Variants in OXSR1 observed in about 807,000 individuals in gnomAD.
OXSR1 encodes the protein oxidative stress responsive kinase 1, also known as serine/threonine-protein kinase OSR1.
In OXSR1, 24 loss-of-function variants were observed where a neutral mutation model predicts 79.8. That is an observed-to-expected ratio of 0.30 (90% CI 0.22 to 0.42). The LOEUF (loss-of-function observed/expected upper bound fraction) is 0.42. OXSR1 is among the 10% of genes least tolerant of loss of function. The pLI, the probability that OXSR1 is intolerant of heterozygous loss-of-function variation, is 1.00. For missense variants in OXSR1, 430 were observed against 618.4 expected (o/e 0.70, Z 3.23); for synonymous variants, 226 against 209.2 (o/e 1.08, Z -0.69).
chr3:38,238,704 A>G (rs1283461240), intron 11 of OXSR1, among the ~76,000 whole-genome samples: 1 of 151,956 alleles, frequency 6.6e-6, no homozygotes, highest in African/African-American at 2.4e-5. Flanking sequence ...TTTATAAGTA[A>G]CATGTCTTTT....
chr3:38,184,095 A>G (rs1226246157), intron 2 of OXSR1, among the ~76,000 whole-genome samples: 1 of 152,180 alleles, frequency 6.6e-6, no homozygotes, highest in Non-Finnish European at 1.5e-5. Context: ...CGGGTATTAG[A>G]ACTGGAATGA....
chr3:38,247,872 T>G (rs1703175882), intron 14 of OXSR1, 140 bp downstream of exon 14: 1 of 573,338 alleles, frequency 1.7e-6, no homozygotes, highest in East Asian at 2.8e-5. Flanking sequence ...GTGTATTATT[T>G]TTCCCCAGAA....
chr3:38,178,620 A>ATATATTT (rs1265646743), intron 1 of OXSR1, among the ~76,000 whole-genome samples: 2 of 95,122 alleles, frequency 2.1e-5, no homozygotes, highest in African/African-American at 4.4e-5. Context: ...ATATATATAT[A>ATATATTT]TTTTTTTTTT....
At chr3:38,169,313 T>C (rs1701529950) in intron 1 of OXSR1, among the ~76,000 whole-genome samples, 1 of 152,072 alleles carries the variant, frequency 6.6e-6, no homozygotes, top group Non-Finnish European at 1.5e-5. Flanking sequence ...TTTTGTTTGT[T>C]TGTTTGTTTT....
chr3:38,179,740 C>G (rs1701745656), intron 1 of OXSR1, among the ~76,000 whole-genome samples: 2 of 152,110 alleles, frequency 1.3e-5, no homozygotes, highest in South Asian at 2.1e-4. Flanking sequence ...AAAAGTCAGC[C>G]CTCCATATAT....
chr3:38,242,669 C>A, intron 11 of OXSR1, 74 bp from the exon 12 acceptor site: 3 of 754,236 alleles, frequency 4.0e-6, no homozygotes, highest in South Asian at 1.8e-5. Flanking sequence ...CATTTAACAT[C>A]ACTTGCAGTT....
chr3:38,180,278 T>TGA (rs1418769045), intron 1 of OXSR1, among the ~76,000 whole-genome samples: 1 of 152,150 alleles, frequency 6.6e-6, no homozygotes, highest in Non-Finnish European at 1.5e-5. Flanking sequence ...CAGTTCAAGT[T>TGA]CACATTGTTC....
chr3:38,191,305 A>G (rs925658461), intron 3 of OXSR1, among the ~76,000 whole-genome samples: 4 of 151,916 alleles, frequency 2.6e-5, no homozygotes, highest in Admixed American at 6.6e-5. Flanking sequence ...TCTTCAAGCG[A>G]TCCTTCCTAC....
At chr3:38,244,809 T>G (rs1241616496) in intron 12 of OXSR1, among the ~76,000 whole-genome samples, 2 of 152,178 alleles carry the variant, frequency 1.3e-5, no homozygotes, top group East Asian at 3.9e-4. Context: ...TTGGGGTGTA[T>G]ACCTAGAAGT....
At chr3:38,182,086 T>G (rs1269806697) in intron 1 of OXSR1, among the ~76,000 whole-genome samples, 2 of 152,216 alleles carry the variant, frequency 1.3e-5, no homozygotes, top group African/African-American at 4.8e-5. Context: ...GTTTAGTGTA[T>G]AGCTCTTGTC....
At chr3:38,198,227 T>G (rs1702101273) in intron 3 of OXSR1, among the ~76,000 whole-genome samples, 1 of 152,248 alleles carries the variant, frequency 6.6e-6, no homozygotes, top group Admixed American at 6.5e-5. Context: ...TTCTATAATT[T>G]ATTAACCTGA....
chr3:38,164,289 G>A (rs1701382090), upstream of OXSR1, among the ~76,000 whole-genome samples: 1 of 152,176 alleles, frequency 6.6e-6, no homozygotes, highest in Non-Finnish European at 1.5e-5. Context: ...GGGATTACAG[G>A]CGCCAGCCAC....
At chr3:38,185,946 CAAAAAAAAAAAA>C (rs71085304) in intron 2 of OXSR1, among the ~76,000 whole-genome samples, 11 of 32,096 alleles carry the variant, frequency 3.4e-4, no homozygotes, top group Admixed American at 2.3e-3. Flanking sequence ...GGCCCTGTCT[CAAAAAAAAAAAA>C]AAAAAAAAAA....
intron 6 of OXSR1, among the ~76,000 whole-genome samples, chr3:38,222,440 G>T (rs978849792): frequency 6.6e-6 from 1 of 152,108 alleles, no homozygotes; most frequent in South Asian, 2.1e-4. Context: ...GTACCTGGTC[G>T]TTTGATAAGG....
intron 2 of OXSR1, among the ~76,000 whole-genome samples, chr3:38,189,188 T>TG (rs1701939330): frequency 1.3e-5 from 2 of 152,182 alleles, no homozygotes; most frequent in Non-Finnish European, 2.9e-5. Flanking sequence ...TGATCACACT[T>TG]GCCTACCTTA....
At chr3:38,177,095 A>C (rs1701689159) in intron 1 of OXSR1, among the ~76,000 whole-genome samples, 1 of 152,238 alleles carries the variant, frequency 6.6e-6, no homozygotes, top group African/African-American at 2.4e-5. Context: ...ACACATCTGC[A>C]TATTAGAAGA....
intron 10 of OXSR1, 30 bp from the exon 11 acceptor site, chr3:38,236,809 C>A: frequency 6.4e-7 from 1 of 1,572,688 alleles, no homozygotes; most frequent in Non-Finnish European, 8.6e-7. Context: ...TGAAATACCA[C>A]CATAACCCAC....
In OXSR1 at chr3:38,165,900, G is replaced by T; in HGVS notation, c.24G>T (p.Leu8=). Residue 8 remains leucine, a synonymous_variant, in exon 1 of 18, where the codon CTG becomes CTT. Coordinates refer to ENST00000311806, the MANE Select transcript of OXSR1 (RefSeq NM_005109.3). MSEDSSA[L]PWSINRDDYE... The stretch of plus-strand genomic sequence containing the variant: ...TCATGTCCGAGGACTCGAGCGCCCT[G>T]CCCTGGTCCATCAACAGGGACGATT... The T allele has an allele frequency of 3.1e-6, 5 of 1,611,852 alleles. No individual in the cohort carries two copies. Among genetic ancestry groups the T allele is most frequent in the East Asian group, 2.2e-5 (1 of 44,826 alleles).
chr3:38,208,061 A>G (rs1382173005), intron 4 of OXSR1, among the ~76,000 whole-genome samples: 2 of 151,722 alleles, frequency 1.3e-5, no homozygotes, highest in Non-Finnish European at 2.9e-5. Flanking sequence ...TGAGGTAATT[A>G]ATTGAATTAT....
Sources: allele counts gnomAD v4.1 joint callset (sites outside exome capture counted in the v4.1 genomes callset), GRCh38; gene constraint gnomAD v4.1.1; transcripts MANE v1.5; gene names NCBI Gene and HGNC (gene_info 2026-07-23, HGNC 2026-07-21).